Variants in SDK1 observed in about 807,000 individuals in gnomAD.
SDK1 encodes the protein sidekick cell adhesion molecule 1, also known as protein sidekick-1.
A neutral mutation model predicts 245.5 loss-of-function variants in SDK1; 157 were observed. The observed-to-expected ratio is 0.64, with a 90% CI of 0.56 to 0.73. The LOEUF (loss-of-function observed/expected upper bound fraction) is 0.73, where lower values mean the gene tolerates loss of function less well. SDK1 is among the 30% of genes least tolerant of loss of function. SDK1 has a pLI of 0.00. For missense variants in SDK1, 3,583 were observed against 3,002.3 expected (o/e 1.19, Z -4.52); for synonymous variants, 1,647 against 1,278.5 (o/e 1.29, Z -6.15).
intron 1 of SDK1, among the ~76,000 whole-genome samples, chr7:3,398,257 C>G (rs1415174141): frequency 1.3e-5 from 2 of 152,146 alleles, no homozygotes; most frequent in East Asian, 3.9e-4. Flanking sequence ...CTGTACCTTG[C>G]AGCTATTTTA....
In SDK1 at chr7:4,205,916, A is replaced by C. The variant is rs1019167476; in HGVS notation, c.5136A>C (p.Pro1712=). 1.9e-6 allele frequency: 3 copies of C among 1,559,066 alleles called. No individual in the cohort carries two copies. In the Admixed American group the frequency reaches 5.7e-5, roughly 30 times the overall value. ...CCCCGCAGAACGTGCAGGTGACCCC[A>C]CTCACGGCCAGCCAGCTGGAGGTCA... ...AMAPQNVQVT[P]LTASQLEVTW... is the part of the protein sequence containing the mutation. The change falls in exon 36 of 45, where the codon CCA becomes CCC. Residue 1712 remains proline (P), a synonymous_variant. Transcript: ENST00000404826.
chr7:3,909,712 A>G (rs1398576018), intron 5 of SDK1, among the ~76,000 whole-genome samples: 2 of 152,170 alleles, frequency 1.3e-5, no homozygotes, highest in African/African-American at 4.8e-5. Context: ...ATATTTTTTA[A>G]TTTACTACAA....
chr7:3,439,477 C>T (rs1780130650), intron 1 of SDK1, among the ~76,000 whole-genome samples: 1 of 152,112 alleles, frequency 6.6e-6, no homozygotes, highest in Non-Finnish European at 1.5e-5. Context: ...TCCTAAGACT[C>T]AGTGGACAGC....
intron 1 of SDK1, among the ~76,000 whole-genome samples, chr7:3,576,150 C>T (rs1005561497): frequency 6.6e-6 from 1 of 152,138 alleles, no homozygotes; most frequent in Non-Finnish European, 1.5e-5. Context: ...GAATTTTCTA[C>T]TAGACCAGGT....
At chr7:3,495,996 A>G (rs939189750) in intron 1 of SDK1, among the ~76,000 whole-genome samples, 1 of 152,240 alleles carries the variant, frequency 6.6e-6, no homozygotes, top group Non-Finnish European at 1.5e-5. Flanking sequence ...GTGGCCCGTC[A>G]CTATAACATT....
chr7:3,815,557 A>C (rs1346505195), intron 4 of SDK1, among the ~76,000 whole-genome samples: 5 of 148,404 alleles, frequency 3.4e-5, no homozygotes, highest in Admixed American at 6.8e-5. Flanking sequence ...TTCATCAAGG[A>C]TATTGGTCTA....
At chr7:3,935,859 T>C (rs912318156) in intron 5 of SDK1, among the ~76,000 whole-genome samples, 1 of 152,230 alleles carries the variant, frequency 6.6e-6, no homozygotes, top group Non-Finnish European at 1.5e-5. Flanking sequence ...AAACGTCAGG[T>C]TACCGTATGG....
intron 1 of SDK1, among the ~76,000 whole-genome samples, chr7:3,486,052 T>C (rs187856856): frequency 1.8e-4 from 27 of 152,186 alleles, no homozygotes; most frequent in Admixed American, 1.5e-3. Flanking sequence ...TCTGAAAAAC[T>C]CTTCATTAAA....
At chr7:3,404,400 A>G (rs766827271) in intron 1 of SDK1, among the ~76,000 whole-genome samples, 1 of 151,982 alleles carries the variant, frequency 6.6e-6, no homozygotes, top group Non-Finnish European at 1.5e-5. Flanking sequence ...TCTTTTTTGT[A>G]TGTTTTATTA....
At chr7:4,101,721 G>A (rs1018838721) in intron 22 of SDK1, among the ~76,000 whole-genome samples, 1 of 152,152 alleles carries the variant, frequency 6.6e-6, no homozygotes, top group Non-Finnish European at 1.5e-5. Flanking sequence ...TGTCACATGT[G>A]AGCTGCTGGA....
chr7:3,551,854 G>T (rs976631993), intron 1 of SDK1, among the ~76,000 whole-genome samples: 20 of 151,732 alleles, frequency 1.3e-4, no homozygotes, highest in Middle Eastern at 3.4e-3. Flanking sequence ...ATTTTTTTTT[G>T]TTGTTGTTTT....
chr7:4,226,357 C>T (rs1414889491), intron 40 of SDK1, among the ~76,000 whole-genome samples: 1 of 152,158 alleles, frequency 6.6e-6, no homozygotes, highest in Non-Finnish European at 1.5e-5. Flanking sequence ...CTACCTTGCC[C>T]CTGGGAGACA....
At chr7:4,202,743 A>T (rs183209246) in intron 35 of SDK1, among the ~76,000 whole-genome samples, 1 of 152,008 alleles carries the variant, frequency 6.6e-6, no homozygotes, top group Non-Finnish European at 1.5e-5. Context: ...ACCAAATGCC[A>T]CGTAGAACCG....
Position 3,342,761 on chromosome 7 carries a change from T to A in SDK1, c.298+40877T>A, listed in dbSNP as rs115617732. On this transcript the variant is annotated intron_variant, in intron 1 of 44. Coordinates refer to ENST00000404826, the MANE Select transcript of SDK1 (RefSeq NM_152744.4). ...GAGGATGGAAAGACAAGGTACATACTAGTAGAAAATATTTTCATCTGTCTG... is the reference window on the plus strand; with the variant it reads ...GAGGATGGAAAGACAAGGTACATACAAGTAGAAAATATTTTCATCTGTCTG... Among the ~76,000 whole-genome samples the A allele has an allele frequency of 4.6e-5, 7 of 152,236 alleles. No individual in the cohort carries two copies. The East Asian group carries it at 1.4e-3, about 29-fold the overall frequency.
chr7:3,466,343 A>G (rs925157343), intron 1 of SDK1, among the ~76,000 whole-genome samples: 7 of 151,304 alleles, frequency 4.6e-5, no homozygotes, highest in African/African-American at 1.7e-4. Flanking sequence ...CTGCTTCTCA[A>G]AACATTAATA....
chr7:3,571,932 A>G (rs1780129472), intron 1 of SDK1, among the ~76,000 whole-genome samples: 1 of 152,042 alleles, frequency 6.6e-6, no homozygotes, highest in Non-Finnish European at 1.5e-5. Flanking sequence ...TTTCCATCCC[A>G]TCCCATCCCT....
chr7:3,877,773 TTCAC>T (rs1781110635), intron 5 of SDK1, among the ~76,000 whole-genome samples: 1 of 152,236 alleles, frequency 6.6e-6, no homozygotes, highest in African/African-American at 2.4e-5. Context: ...GATAACCCCT[TTCAC>T]TCAGTGCTCT....
At chr7:4,054,584 A>G (rs539845257) in intron 19 of SDK1, among the ~76,000 whole-genome samples, 4 of 152,122 alleles carry the variant, frequency 2.6e-5, no homozygotes, top group Non-Finnish European at 5.9e-5. Flanking sequence ...ACCTTCCTCC[A>G]GCTCTTCCTT....
chr7:3,517,489 A>G, intron 1 of SDK1, among the ~76,000 whole-genome samples: 1 of 152,096 alleles, frequency 6.6e-6, no homozygotes, highest in East Asian at 1.9e-4. Context: ...TCCTGGCAAT[A>G]CTCAACACTT....
Sources: gnomAD v4.1 joint callset for allele counts (sites outside exome capture counted in the v4.1 genomes callset) on GRCh38, gnomAD v4.1.1 for gene constraint, MANE v1.5 for transcripts, NCBI Gene and HGNC (gene_info 2026-07-23, HGNC 2026-07-21) for gene names.